The following REDIC1 variants were observed in gnomAD, a reference collection of about 807,000 sequenced individuals.
REDIC1 encodes regulator of DNA class I crossover intermediates 1, also known as HEI10 Interacting Protein 1.
the REDIC1 span, among the ~76,000 whole-genome samples, chr12:39,713,880 C>T: frequency 1.5e-3 from 226 of 147,270 alleles, 1 homozygote; most frequent in African/African-American, 5.1e-3. Flanking sequence ...TGTATATTTA[C>T]GTATATACAC....
At chr12:39,683,176 C>A in the REDIC1 span, 126 of 1,515,710 alleles carry the variant, frequency 8.3e-5, 1 homozygote, top group South Asian at 1.4e-3. Context: ...ATTACATATT[C>A]TTTTTTTCTT....
At chr12:39,724,930 G>C in the REDIC1 span, among the ~76,000 whole-genome samples, 1 of 152,004 alleles carries the variant, frequency 6.6e-6, no homozygotes, top group East Asian at 1.9e-4. Context: ...GAGAGAGAGA[G>C]AGAATAGAGG....
At chr12:39,817,985 C>G in the REDIC1 span, among the ~76,000 whole-genome samples, 1 of 152,146 alleles carries the variant, frequency 6.6e-6, no homozygotes, top group Non-Finnish European at 1.5e-5. Flanking sequence ...GTCAGTTTCT[C>G]CTCTGCTTTG....
chr12:39,632,312 G>T, the REDIC1 span, among the ~76,000 whole-genome samples: 45 of 151,954 alleles, frequency 3.0e-4, 1 homozygote, highest in African/African-American at 9.7e-5. Context: ...TGGCCAGGCT[G>T]GTCTTGAACT....
the REDIC1 span, among the ~76,000 whole-genome samples, chr12:39,754,658 C>T: frequency 3.3e-5 from 5 of 151,990 alleles, no homozygotes; most frequent in East Asian, 1.9e-4. Flanking sequence ...CCTTCCAGCA[C>T]GATTGTTCAT....
At chr12:39,661,231 C>G in the REDIC1 span, among the ~76,000 whole-genome samples, 1 of 152,078 alleles carries the variant, frequency 6.6e-6, no homozygotes, top group Non-Finnish European at 1.5e-5. Flanking sequence ...GATGTCTCCA[C>G]ATTCTTTTCC....
the REDIC1 span, chr12:39,871,780 C>A: frequency 6.3e-7 from 1 of 1,580,826 alleles, no homozygotes; most frequent in South Asian, 1.2e-5. Flanking sequence ...TAATTGAATT[C>A]TTTATCCAGC....
the REDIC1 span, among the ~76,000 whole-genome samples, chr12:39,750,363 T>C: frequency 5.3e-5 from 8 of 152,160 alleles, no homozygotes; most frequent in Non-Finnish European, 8.8e-5. Context: ...ACAAGGGATG[T>C]GAAGGACCTC....
the REDIC1 span, among the ~76,000 whole-genome samples, chr12:39,840,921 G>T: frequency 6.6e-6 from 1 of 152,090 alleles, no homozygotes; most frequent in African/African-American, 2.4e-5. Flanking sequence ...AGATTTGGTA[G>T]TTCCCTTTCT....
the REDIC1 span, among the ~76,000 whole-genome samples, chr12:39,896,420 A>ATG: frequency 2.2e-4 from 27 of 120,390 alleles, 1 homozygote; most frequent in East Asian, 2.2e-3. Flanking sequence ...ATGTATGTAT[A>ATG]TGTGTATATA....
At chr12:39,663,927 A>G in the REDIC1 span, among the ~76,000 whole-genome samples, 1 of 151,726 alleles carries the variant, frequency 6.6e-6, no homozygotes, top group Non-Finnish European at 1.5e-5. Flanking sequence ...TTTTTGAAGG[A>G]TAGCCTTTCT....
At chr12:39,804,564 T>G in the REDIC1 span, among the ~76,000 whole-genome samples, 2 of 152,184 alleles carry the variant, frequency 1.3e-5, no homozygotes, top group Admixed American at 6.6e-5. Flanking sequence ...TCTGTAACTT[T>G]TATATTAATA....
the REDIC1 span, among the ~76,000 whole-genome samples, chr12:39,686,715 C>T: frequency 6.6e-6 from 1 of 152,210 alleles, no homozygotes; most frequent in South Asian, 2.1e-4. Context: ...GGAAAATGGG[C>T]TTTTATTTTC....
chr12:39,849,602 C>G, the REDIC1 span, among the ~76,000 whole-genome samples: 8 of 152,150 alleles, frequency 5.3e-5, no homozygotes, highest in Non-Finnish European at 1.0e-4. Context: ...TATAGAGTAA[C>G]TGAGCAGTTA....
chr12:39,856,161 T>G, the REDIC1 span, among the ~76,000 whole-genome samples: 1 of 152,140 alleles, frequency 6.6e-6, no homozygotes, highest in Admixed American at 6.5e-5. Context: ...GGATGAAAAT[T>G]ATACTAAAAA....
At chr12:39,663,795 C>T in the REDIC1 span, among the ~76,000 whole-genome samples, 1 of 150,930 alleles carries the variant, frequency 6.6e-6, no homozygotes, top group African/African-American at 2.4e-5. Context: ...ATCATCCCTT[C>T]ACTTTGAGGT....
At chr12:39,678,631 A>G in the REDIC1 span, among the ~76,000 whole-genome samples, 1 of 3,846 alleles carries the variant, frequency 2.6e-4, no homozygotes, top group African/African-American at 1.9e-3. Context: ...AGGCATAACA[A>G]AAAAAAAAAA....
the REDIC1 span, among the ~76,000 whole-genome samples, chr12:39,653,558 T>TTCTTCTTCTTCTTCTTC: frequency 8.9e-4 from 39 of 43,876 alleles, 4 homozygotes; most frequent in East Asian, 6.9e-3. Flanking sequence ...CTTCTTCTTC[T>TTCTTCTTCTTCTTCTTC]TTCTTCTTCT....
the REDIC1 span, among the ~76,000 whole-genome samples, chr12:39,703,166 A>G: frequency 6.6e-6 from 1 of 152,218 alleles, no homozygotes; most frequent in Non-Finnish European, 1.5e-5. Context: ...AGATGACATG[A>G]CTGCATATAT....
Sources: gnomAD v4.1 joint callset for allele counts (sites outside exome capture counted in the v4.1 genomes callset) on GRCh38, gnomAD v4.1.1 for gene constraint, MANE v1.5 for transcripts, NCBI Gene and HGNC (gene_info 2026-07-23, HGNC 2026-07-21) for gene names.